NLGN1: variants seen among roughly 807,000 people sequenced by gnomAD.
NLGN1 encodes neuroligin 1.
Under a neutral mutation model 65.5 loss-of-function variants are expected in NLGN1, and 12 were observed. That is an observed-to-expected ratio of 0.18 (90% confidence interval 0.12 to 0.30). The LOEUF is 0.30. Ranked by LOEUF, NLGN1 falls within the 10% of genes least tolerant of loss-of-function variation. The pLI, the probability that NLGN1 is intolerant of heterozygous loss-of-function variation, is 1.00. For missense variants in NLGN1, 750 were observed against 1,007.1 expected (o/e 0.74, Z 3.46); for synonymous variants, 350 against 359.5 (o/e 0.97, Z 0.30).
At chr3:173,568,481 C>T (rs781629243) in intron 2 of NLGN1, among the ~76,000 whole-genome samples, 7 of 152,110 alleles carry the variant, frequency 4.6e-5, no homozygotes, top group African/African-American at 7.2e-5. Context: ...GTGAACCACC[C>T]GCCTCGGCCT....
chr3:173,999,806 G>A (rs1026793654), intron 4 of NLGN1, among the ~76,000 whole-genome samples: 1 of 152,090 alleles, frequency 6.6e-6, no homozygotes, highest in Non-Finnish European at 1.5e-5. Flanking sequence ...CTAAAGACCT[G>A]AATCCACCCT....
chr3:174,057,994 G>A (rs1300395871), intron 4 of NLGN1: 1 of 152,116 alleles, frequency 6.6e-6, no homozygotes, highest in East Asian at 1.9e-4. Context: ...CATAGGTTAT[G>A]ATTTTGAGGG....
intron 3 of NLGN1, among the ~76,000 whole-genome samples, chr3:173,739,122 A>C (rs1376837822): frequency 6.6e-6 from 1 of 152,004 alleles, no homozygotes; most frequent in East Asian, 1.9e-4. Flanking sequence ...AAGCTCCCCA[A>C]GCAGGAACTC....
intron 4 of NLGN1, among the ~76,000 whole-genome samples, chr3:174,071,266 T>C (rs1739790712): frequency 6.6e-6 from 1 of 152,084 alleles, no homozygotes; most frequent in Admixed American, 6.5e-5. Flanking sequence ...GACAGAGAAA[T>C]GTTGGTAGAA....
chr3:174,044,161 C>G (rs1732996402), intron 4 of NLGN1, among the ~76,000 whole-genome samples: 1 of 152,150 alleles, frequency 6.6e-6, no homozygotes, highest in South Asian at 2.1e-4. Context: ...CCTGGGGAGC[C>G]CTGGGCCTGG....
At chr3:173,615,429 CT>C (rs565109478) in intron 3 of NLGN1, among the ~76,000 whole-genome samples, 3 of 151,952 alleles carry the variant, frequency 2.0e-5, no homozygotes, top group East Asian at 1.9e-4. Context: ...AGAAATAGGG[CT>C]TTTTTTGTTG....
Position 173,962,501 on chromosome 3 carries a change from C to T in NLGN1, c.646+154669C>T, listed in dbSNP as rs541235107. Among the ~76,000 whole-genome samples, 24 of 152,176 alleles carry T rather than the reference C, an allele frequency of 1.6e-4. No homozygotes were observed. In the South Asian group the frequency reaches 5.0e-3, roughly 32 times the overall value. On this transcript the variant is annotated intron_variant, in intron 4 of 6. Transcript: ENST00000457714. ...TTTTATTCAAAGCTTTCAACATGAA[C>T]ATTTTATTTTTGCCTTTTACCAGAA...
At chr3:174,172,923 A>G (rs549586808) in intron 4 of NLGN1, among the ~76,000 whole-genome samples, 113 of 152,216 alleles carry the variant, frequency 7.4e-4, no homozygotes, top group African/African-American at 2.5e-3. Flanking sequence ...GGACATTTTG[A>G]TAACAATTTT....
intron 2 of NLGN1, among the ~76,000 whole-genome samples, chr3:173,453,086 ATTTCT>A (rs1005091908): frequency 1.5e-4 from 22 of 149,138 alleles, no homozygotes; most frequent in African/African-American, 3.2e-4. Flanking sequence ...TGGCTATGTA[ATTTCT>A]TTTCTTTTCT....
intron 2 of NLGN1, among the ~76,000 whole-genome samples, chr3:173,522,810 G>A (rs1207368969): frequency 6.6e-6 from 1 of 152,040 alleles, no homozygotes; most frequent in African/African-American, 2.4e-5. Context: ...GGGTTGAATG[G>A]CAGTTCTGAT....
upstream of NLGN1, among the ~76,000 whole-genome samples, chr3:173,397,608 A>C (rs367766372): frequency 4.1e-5 from 6 of 147,468 alleles, no homozygotes; most frequent in African/African-American, 7.6e-5. Flanking sequence ...TCTTGGCCTC[A>C]CTCTCCCGTT....
At chr3:173,605,243 G>T in intron 3 of NLGN1, 152 bp downstream of exon 2, 1 of 658,962 alleles carries the variant, frequency 1.5e-6, no homozygotes, top group Non-Finnish European at 2.5e-6. Flanking sequence ...TGCTCTTTTT[G>T]TTTATGTGTG....
rs557062574 is a variant in NLGN1, at chr3:173,746,183, T to A, written c.494-61497T>A. Among the ~76,000 whole-genome samples, 34 of 152,136 alleles carry A rather than the reference T, an allele frequency of 2.2e-4. 1 individual carries two copies. In the South Asian group the frequency reaches 5.0e-3, roughly 22 times the overall value. On this transcript the variant is annotated intron_variant, in intron 3 of 6. Coordinates refer to ENST00000457714, the Ensembl canonical transcript of NLGN1. ...TGGCATGCACCTGTAATACCAGTTA[T>A]TTGGCAGGCTAAGGTGGGAGGAGCC...
chr3:174,112,681 T>C (rs1715490474), intron 4 of NLGN1, among the ~76,000 whole-genome samples: 1 of 151,988 alleles, frequency 6.6e-6, no homozygotes. Context: ...AATGATGGAT[T>C]CATACAGTAG....
intron 4 of NLGN1, among the ~76,000 whole-genome samples, chr3:173,874,652 CAT>C (rs1250926939): frequency 5.9e-5 from 9 of 152,140 alleles, no homozygotes; most frequent in Non-Finnish European, 1.2e-4. Context: ...TGATGATAAA[CAT>C]GTAATTTTCC....
At chr3:173,996,963 T>G (rs1295993085) in intron 4 of NLGN1, among the ~76,000 whole-genome samples, 2 of 152,058 alleles carry the variant, frequency 1.3e-5, no homozygotes, top group Non-Finnish European at 2.9e-5. Context: ...AAATCCCAAA[T>G]CTATACAAGA....
chr3:173,508,736 C>A (rs1732440726), intron 2 of NLGN1, among the ~76,000 whole-genome samples: 1 of 152,100 alleles, frequency 6.6e-6, no homozygotes, highest in Admixed American at 6.6e-5. Context: ...AAAAAGAAGT[C>A]CACAGCTCTT....
chr3:173,846,613 C>T (rs1376610119), intron 4 of NLGN1, among the ~76,000 whole-genome samples: 1 of 152,102 alleles, frequency 6.6e-6, no homozygotes, highest in Non-Finnish European at 1.5e-5. Context: ...CCCTTTCCCA[C>T]CCCCATTTCT....
At chr3:173,785,656 A>G (rs58725556) in intron 3 of NLGN1, among the ~76,000 whole-genome samples, 21,141 of 152,002 alleles carry the variant, frequency 0.14, 2,092 homozygotes, top group African/African-American at 0.29. Flanking sequence ...AGAGGTATAT[A>G]CATATGCATA....
Sources: allele counts gnomAD v4.1 joint callset (sites outside exome capture counted in the v4.1 genomes callset), GRCh38; gene constraint gnomAD v4.1.1; transcripts MANE v1.5; gene names NCBI Gene and HGNC (gene_info 2026-07-23, HGNC 2026-07-21).